The following OAT variants were observed in gnomAD, a reference collection of about 807,000 sequenced individuals.
OAT encodes the protein ornithine aminotransferase.
In OAT, 35 loss-of-function variants were observed where a neutral mutation model predicts 48.4. The observed-to-expected ratio is 0.72, with a 90% CI of 0.55 to 0.96. The LOEUF (loss-of-function observed/expected upper bound fraction) is 0.96, where lower values mean the gene tolerates loss of function less well. Among genes scored for constraint, OAT ranks in the 40% least tolerant of loss-of-function variants. The pLI, the probability that OAT is intolerant of heterozygous loss-of-function variation, is 0.00. For synonymous variants in OAT, 182 were observed against 198.4 expected, an observed-to-expected ratio of 0.92 and a Z score of 0.70; for missense variants, 438 against 537.9, an observed-to-expected ratio of 0.81 and a Z score of 1.84.
In OAT at chr10:124,412,270, G is replaced by A. The variant is rs149762657; in HGVS notation, c.-29-70C>T. Reference sequence around the variant, plus strand: ...TTATGCCTATAATCTCAGCACTTTGGGAGGCTGAGGTCAAAGGATCACGTG... The same window carrying A: ...TTATGCCTATAATCTCAGCACTTTGAGAGGCTGAGGTCAAAGGATCACGTG... On this transcript the variant is annotated intron_variant, in intron 1 of 9. Coordinates refer to ENST00000368845, the MANE Select transcript of OAT (RefSeq NM_000274.4). 252 of 1,219,006 alleles carry A rather than the reference G, an allele frequency of 2.1e-4. No homozygotes were observed. The African/African-American group carries it at 3.4e-3, about 16-fold the overall frequency. The allele number at this position is 1,219,006 out of a possible 1,614,324, so 75.5% of individuals were successfully genotyped here.
intron 1 of OAT, among the ~76,000 whole-genome samples, chr10:124,415,334 T>C (rs1449715688): frequency 1.3e-5 from 2 of 152,146 alleles, no homozygotes; most frequent in East Asian, 3.9e-4. Context: ...CTCAGCTATG[T>C]TGCCCAGGTT....
At chr10:124,411,900 G>A (rs1004690744) in intron 2 of OAT, 73 bp downstream of exon 2, 11 of 1,343,022 alleles carry the variant, frequency 8.2e-6, no homozygotes, top group Non-Finnish European at 1.2e-5. Context: ...TGTATATTGT[G>A]AAAATATGGA....
At chr10:124,415,906 G>A (rs547036696) in intron 1 of OAT, among the ~76,000 whole-genome samples, 1 of 152,128 alleles carries the variant, frequency 6.6e-6, no homozygotes, top group Non-Finnish European at 1.5e-5. Context: ...AGAATCAACA[G>A]TGCCATGATT....
intron 4 of OAT, chr10:124,407,474 G>T (rs938424393): frequency 2.7e-5 from 27 of 984,654 alleles, no homozygotes; most frequent in Non-Finnish European, 1.1e-5. Context: ...CAGTTATGTT[G>T]TCCTACAACG....
chr10:124,399,124 A>G (rs1484793981), intron 9 of OAT, among the ~76,000 whole-genome samples: 2 of 152,216 alleles, frequency 1.3e-5, no homozygotes, highest in Admixed American at 6.5e-5. Context: ...TAAAATGGGC[A>G]ATACTCAAAA....
Position 124,401,818 on chromosome 10 carries a change from C to T in OAT, c.922G>A (p.Asp308Asn). The change falls in exon 8 of 10, where the codon GAT becomes AAT. Residue 308 changes from aspartate to asparagine, a missense_variant. Coordinates refer to ENST00000368845, the MANE Select transcript of OAT (RefSeq NM_000274.4). ...GGCTTAATGGTCAGCATGATGTCAT[C>T]ATCACACAGCACTGCAGACACCTGA... ...LYPVSAVLCD[D>N]DIMLTIKPGE... 1 of 1,612,948 alleles carries T rather than the reference C, an allele frequency of 6.2e-7. No homozygotes were observed. The highest frequency in any genetic ancestry group is 8.5e-7 in the Non-Finnish European group (1 of 1,179,514).
At chr10:124,405,674 G>C (rs183243275) in intron 4 of OAT, 111 bp from the exon 5 acceptor site, 3 of 1,549,884 alleles carry the variant, frequency 1.9e-6, no homozygotes, top group East Asian at 5.0e-5. Context: ...TCAAGGGCTT[G>C]CTTTAGTGCA....
Position 124,403,876 on chromosome 10 carries a change from T to C in OAT, c.693A>G (p.Pro231=). Reference sequence around the variant, plus strand: ...CAACAACGCCTGCTTCACCCTGAATTGGTTCTACCATGAACGCAGCCACAT... The same window carrying C: ...CAACAACGCCTGCTTCACCCTGAATCGGTTCTACCATGAACGCAGCCACAT... ...DPNVAAFMVE[P]IQGEAGVVVP... Residue 231 remains proline, a synonymous_variant, in exon 6 of 10, where the codon CCA becomes CCG. Transcript: ENST00000368845. 6.2e-7 allele frequency: 1 copy of C among 1,614,142 alleles called. No homozygotes were observed. The highest frequency in any genetic ancestry group is 8.5e-7 in the Non-Finnish European group (1 of 1,179,998).
rs190125687 is a variant in OAT, at chr10:124,398,164, T to C, written c.1160-62A>G. ...AAACGTTTAAACATCCCTTGCCGTA[T>C]GTATGGGCAAAGTGCAGCCTGGCAA... On this transcript the variant is annotated intron_variant, in intron 9 of 9. Coordinates refer to ENST00000368845, the MANE Select transcript of OAT (RefSeq NM_000274.4). 1.1e-4 allele frequency: 170 copies of C among 1,565,884 alleles called. No individual in the cohort carries two copies. In the African/African-American group the frequency reaches 1.9e-3, roughly 18 times the overall value.
intron 9 of OAT, among the ~76,000 whole-genome samples, chr10:124,398,860 C>T (rs1440801975): frequency 6.6e-6 from 1 of 151,534 alleles, no homozygotes; most frequent in Admixed American, 6.6e-5. Flanking sequence ...AATAAAAATA[C>T]AAAAATTAGC....
chr10:124,401,361 A>C (rs1951401703), intron 8 of OAT, among the ~76,000 whole-genome samples: 1 of 152,232 alleles, frequency 6.6e-6, no homozygotes, highest in African/African-American at 2.4e-5. Flanking sequence ...TTCAGCAGGC[A>C]CTTAAAAAAT....
At chr10:124,402,008 A>C (rs1951427070) in intron 7 of OAT, among the ~76,000 whole-genome samples, 169 bp from the exon 8 acceptor site, 1 of 151,428 alleles carries the variant, frequency 6.6e-6, no homozygotes, top group Admixed American at 6.6e-5. Flanking sequence ...CAGCCTCCCA[A>C]GTAGCTAGGA....
At chr10:124,413,543 C>T (rs1372754128) in intron 1 of OAT, among the ~76,000 whole-genome samples, 1 of 151,946 alleles carries the variant, frequency 6.6e-6, no homozygotes, top group East Asian at 1.9e-4. Flanking sequence ...ATTAGCCAGG[C>T]GTGGTGGTGC....
chr10:124,404,658 C>A (rs958730165), intron 5 of OAT, among the ~76,000 whole-genome samples: 3 of 152,122 alleles, frequency 2.0e-5, no homozygotes, highest in African/African-American at 7.2e-5. Context: ...CTCCTGAACA[C>A]AAAGTGCTCC....
Position 124,397,896 on chromosome 10 carries a change from T to C in OAT, c.*46A>G, listed in dbSNP as rs1951275754. ...GGAATAAAGCTTTTACAGGACCACC[T>C]GTCTCCAGCTGGCTCCCAGGGACCA... On this transcript the variant is annotated 3_prime_UTR_variant, in exon 10 of 10. Coordinates refer to ENST00000368845, the MANE Select transcript of OAT (RefSeq NM_000274.4). 1.2e-6 allele frequency: 2 copies of C among 1,611,682 alleles called. No individual in the cohort carries two copies. Among genetic ancestry groups the C allele is most frequent in the East Asian group, 4.5e-5 (2 of 44,858 alleles).
chr10:124,411,447 A>C (rs761107272), intron 2 of OAT, among the ~76,000 whole-genome samples: 9 of 152,218 alleles, frequency 5.9e-5, no homozygotes, highest in Non-Finnish European at 1.2e-4. Flanking sequence ...CCTCTTGGTA[A>C]GGTCTACATG....
At chr10:124,416,368 G>A (rs1951918572) in intron 1 of OAT, among the ~76,000 whole-genome samples, 1 of 152,188 alleles carries the variant, frequency 6.6e-6, no homozygotes, top group Non-Finnish European at 1.5e-5. Flanking sequence ...CCCTGACCAG[G>A]TTGAGTCTAA....
At chr10:124,413,639 C>A (rs572552250) in intron 1 of OAT, among the ~76,000 whole-genome samples, 9 of 152,138 alleles carry the variant, frequency 5.9e-5, no homozygotes, top group African/African-American at 1.9e-4. Flanking sequence ...GCCAAGACTG[C>A]GCATTGCACT....
At chr10:124,402,583 T>C (rs1951442383) in intron 7 of OAT, among the ~76,000 whole-genome samples, 1 of 152,220 alleles carries the variant, frequency 6.6e-6, no homozygotes. Context: ...CTCAGTCTCT[T>C]TGTTCACCAG....
Sources: allele counts gnomAD v4.1 joint callset (sites outside exome capture counted in the v4.1 genomes callset), GRCh38; gene constraint gnomAD v4.1.1; transcripts MANE v1.5; gene names NCBI Gene and HGNC (gene_info 2026-07-23, HGNC 2026-07-21).